MACROD2: variants seen among roughly 807,000 people sequenced by gnomAD.
MACROD2 encodes ADP-ribose glycohydrolase MACROD2.
MACROD2 carries 36 observed loss-of-function variants against 70.4 expected under a neutral mutation model. The observed-to-expected ratio is 0.51, with a 90% CI of 0.39 to 0.68. The LOEUF is 0.68. MACROD2 is among the 30% of genes least tolerant of loss of function. The probability of loss-of-function intolerance (pLI) is 0.00; values close to 1 mark genes in which losing one functional copy is unlikely to be tolerated. For synonymous variants in MACROD2, 172 were observed against 178.8 expected (o/e 0.96, Z 0.30); for missense variants, 496 against 538.4 (o/e 0.92, Z 0.78).
intron 8 of MACROD2, among the ~76,000 whole-genome samples, chr20:15,832,255 G>A (rs73614469): frequency 0.042 from 6,358 of 152,244 alleles, 286 homozygotes; most frequent in East Asian, 0.21. Flanking sequence ...AAATAAGAGA[G>A]GGAGACAACC....
chr20:14,719,824 C>A (rs1017472261), intron 5 of MACROD2, among the ~76,000 whole-genome samples: 4 of 152,198 alleles, frequency 2.6e-5, no homozygotes, highest in Admixed American at 2.0e-4. Context: ...AAAACAGTGA[C>A]CCTGCTCTCC....
intron 3 of MACROD2, among the ~76,000 whole-genome samples, chr20:14,183,065 T>G (rs116638120): frequency 0.99 from 144,301 of 145,456 alleles, 71,586 homozygotes; most frequent in Non-Finnish European, 1. Flanking sequence ...GTAACCTATT[T>G]GTTACATAGG....
chr20:14,734,090 A>G (rs906403913), intron 5 of MACROD2, among the ~76,000 whole-genome samples: 2 of 152,118 alleles, frequency 1.3e-5, no homozygotes, highest in Non-Finnish European at 2.9e-5. Context: ...GATTTCTCCC[A>G]TTCTGACACA....
intron 6 of MACROD2, among the ~76,000 whole-genome samples, chr20:15,402,469 G>C (rs1224504172): frequency 6.6e-6 from 1 of 152,180 alleles, no homozygotes; most frequent in Non-Finnish European, 1.5e-5. Flanking sequence ...CTCTGGGAAT[G>C]TCTTAAATCT....
At chr20:14,202,180 T>C (rs1298010313) in intron 3 of MACROD2, among the ~76,000 whole-genome samples, 1 of 152,178 alleles carries the variant, frequency 6.6e-6, no homozygotes, top group African/African-American at 2.4e-5. Flanking sequence ...TTAATATAGA[T>C]ATAATGATTT....
At chr20:16,029,198 C>G (rs1379671168) in intron 15 of MACROD2, among the ~76,000 whole-genome samples, 1 of 152,170 alleles carries the variant, frequency 6.6e-6, no homozygotes, top group African/African-American at 2.4e-5. Flanking sequence ...TTGGTTGTCT[C>G]CAAAAGGCCC....
intron 7 of MACROD2, among the ~76,000 whole-genome samples, chr20:15,477,253 A>G (rs912466097): frequency 6.6e-6 from 1 of 151,812 alleles, no homozygotes; most frequent in African/African-American, 2.4e-5. Context: ...GGCACGCACC[A>G]CCATAGCAGG....
intron 8 of MACROD2, among the ~76,000 whole-genome samples, chr20:15,832,718 G>T (rs140739195): frequency 2.0e-5 from 3 of 152,220 alleles, no homozygotes; most frequent in Admixed American, 2.0e-4. Flanking sequence ...ATGGAGCCGA[G>T]GGTGAAGAGA....
chr20:14,407,881 C>T (rs141203095), intron 3 of MACROD2, among the ~76,000 whole-genome samples: 2 of 152,240 alleles, frequency 1.3e-5, no homozygotes, highest in Admixed American at 1.3e-4. Context: ...GTGAACCTAA[C>T]TAAATTCAGG....
intron 7 of MACROD2, among the ~76,000 whole-genome samples, chr20:15,476,741 A>G (rs1325583422): frequency 1.3e-5 from 2 of 152,156 alleles, no homozygotes; most frequent in African/African-American, 4.8e-5. Flanking sequence ...TATCCCTGTA[A>G]AGCATTGCTA....
chr20:15,588,059 A>G (rs569624558), intron 8 of MACROD2, among the ~76,000 whole-genome samples: 10 of 152,296 alleles, frequency 6.6e-5, no homozygotes, highest in African/African-American at 2.4e-4. Flanking sequence ...TCCTGCAGCA[A>G]ACTTCTGTCT....
In MACROD2 at chr20:14,466,968, C is replaced by T. The variant is rs922888687; in HGVS notation, c.272-26511C>T. The stretch of plus-strand genomic sequence containing the variant: ...TACTCGGGGGTGCCTCCCAGTTAGG[C>T]TACTCAGGGGTTGGGGACCCACTTG... On this transcript the variant is annotated intron_variant, in intron 3 of 17. Coordinates refer to ENST00000684519, the MANE Select transcript of MACROD2 (RefSeq NM_001351661.2). Among the ~76,000 whole-genome samples the T allele has an allele frequency of 2.0e-5, 3 of 152,258 alleles. No homozygotes were observed. The East Asian group carries it at 5.8e-4, about 29-fold the overall frequency.
intron 4 of MACROD2, among the ~76,000 whole-genome samples, chr20:14,570,185 G>A (rs2423825): frequency 0.64 from 97,527 of 151,886 alleles, 32,878 homozygotes; most frequent in East Asian, 0.93. Context: ...ACAACTGTAC[G>A]TATATACAAC....
chr20:15,161,202 C>G (rs78317341), intron 5 of MACROD2, among the ~76,000 whole-genome samples: 1,607 of 151,902 alleles, frequency 0.011, 34 homozygotes, highest in African/African-American at 0.037. Flanking sequence ...TTAGATAAAT[C>G]TGAAAATGAT....
At chr20:14,467,546 C>T (rs1195918345) in intron 3 of MACROD2, among the ~76,000 whole-genome samples, 2 of 152,106 alleles carry the variant, frequency 1.3e-5, no homozygotes, top group African/African-American at 4.8e-5. Context: ...CACTGTCCTG[C>T]ACCCACTGTC....
rs564614645 is a variant in MACROD2 at position 14,531,253 on chromosome 20, A to G, written c.301+37745A>G. 3.9e-5 allele frequency among the ~76,000 whole-genome samples: 6 copies of G among 152,280 alleles called. No homozygotes were observed. The South Asian group carries it at 1.2e-3, about 32-fold the overall frequency. Reference sequence around the variant, plus strand: ...AGAAATGGTCTCTGCGGATACAATTAAGGATCTCAAGAGGAAATAATCCTG... The same window carrying G: ...AGAAATGGTCTCTGCGGATACAATTGAGGATCTCAAGAGGAAATAATCCTG... On this transcript the variant is annotated intron_variant, in intron 4 of 17. Transcript: ENST00000684519.
At chr20:14,515,187 G>C (rs1403857920) in intron 4 of MACROD2, among the ~76,000 whole-genome samples, 1 of 151,828 alleles carries the variant, frequency 6.6e-6, no homozygotes, top group Non-Finnish European at 1.5e-5. Context: ...TTAATGTTAG[G>C]AATAACACAT....
chr20:14,418,273 AG>A (rs2083833474), intron 3 of MACROD2, among the ~76,000 whole-genome samples: 1 of 152,224 alleles, frequency 6.6e-6, no homozygotes, highest in African/African-American at 2.4e-5. Context: ...GTTAATTCAT[AG>A]CACAGGCATT....
At chr20:15,107,430 A>T (rs1359983161) in intron 5 of MACROD2, among the ~76,000 whole-genome samples, 1 of 152,118 alleles carries the variant, frequency 6.6e-6, no homozygotes, top group Non-Finnish European at 1.5e-5. Flanking sequence ...TTGCAAAAGG[A>T]TATTGAGAAA....
Sources: gnomAD v4.1 joint callset for allele counts (sites outside exome capture counted in the v4.1 genomes callset) on GRCh38, gnomAD v4.1.1 for gene constraint, MANE v1.5 for transcripts, NCBI Gene and HGNC (gene_info 2026-07-23, HGNC 2026-07-21) for gene names.